The following RBMS3 variants were observed in gnomAD, a reference collection of about 807,000 sequenced individuals.
RBMS3 encodes the protein RNA-binding motif, single-stranded-interacting protein 3.
Under a neutral mutation model 66.8 loss-of-function variants are expected in RBMS3, and 27 were observed. The observed-to-expected ratio is 0.40, with a 90% CI of 0.30 to 0.56. RBMS3 has a LOEUF of 0.56. Among genes scored for constraint, RBMS3 ranks in the 20% least tolerant of loss-of-function variants. The pLI, the probability that RBMS3 is intolerant of heterozygous loss-of-function variation, is 0.40. For synonymous variants in RBMS3, 188 were observed against 183.0 expected, an observed-to-expected ratio of 1.03 and a Z score of -0.22; for missense variants, 513 against 549.5, an observed-to-expected ratio of 0.93 and a Z score of 0.66.
At chr3:29,985,613 C>A (rs1453176801) in intron 12 of RBMS3, among the ~76,000 whole-genome samples, 1 of 152,120 alleles carries the variant, frequency 6.6e-6, no homozygotes, top group Admixed American at 6.5e-5. Flanking sequence ...AGTTATCCAA[C>A]CCCTTGTGCT....
chr3:29,699,664 C>T (rs954114692), intron 4 of RBMS3, among the ~76,000 whole-genome samples: 2 of 152,070 alleles, frequency 1.3e-5, no homozygotes, highest in South Asian at 4.1e-4. Context: ...AAAAATAATT[C>T]TCTATAAACA....
At chr3:29,944,527 G>A (rs1695165866) in intron 12 of RBMS3, among the ~76,000 whole-genome samples, 1 of 151,720 alleles carries the variant, frequency 6.6e-6, no homozygotes, top group Admixed American at 6.6e-5. Context: ...GATAGAGTCT[G>A]TGTTCTGTGT....
intron 4 of RBMS3, among the ~76,000 whole-genome samples, chr3:29,624,086 A>G (rs1276410939): frequency 6.6e-6 from 1 of 152,202 alleles, no homozygotes; most frequent in Non-Finnish European, 1.5e-5. Flanking sequence ...CTAAAAACTC[A>G]TATTTGCGAA....
chr3:29,986,574 C>T (rs1352984575), intron 12 of RBMS3, among the ~76,000 whole-genome samples: 2 of 152,196 alleles, frequency 1.3e-5, no homozygotes, highest in Admixed American at 1.3e-4. Context: ...ACCTATATAG[C>T]AGAGGCAAAT....
intron 4 of RBMS3, among the ~76,000 whole-genome samples, chr3:29,629,285 C>A (rs2049191015): frequency 6.6e-6 from 1 of 152,116 alleles, no homozygotes; most frequent in African/African-American, 2.4e-5. Context: ...TCTCTGCTAT[C>A]TGCAGGCTAT....
chr3:29,606,319 A>G (rs1003323716), intron 4 of RBMS3, among the ~76,000 whole-genome samples: 3 of 151,958 alleles, frequency 2.0e-5, no homozygotes, highest in African/African-American at 7.2e-5. Context: ...TTTATGGATC[A>G]CTACTTGGCT....
intron 8 of RBMS3, among the ~76,000 whole-genome samples, chr3:29,894,119 T>C (rs1422908547): frequency 6.6e-6 from 1 of 151,594 alleles, no homozygotes; most frequent in Non-Finnish European, 1.5e-5. Context: ...AATTTATCTT[T>C]CCTCAGTTCT....
intron 10 of RBMS3, among the ~76,000 whole-genome samples, chr3:29,930,109 C>CTTTCTTTCTTTCTTTTTTTTTTTTTTTTT (rs71091082): frequency 9.2e-5 from 4 of 43,570 alleles, no homozygotes; most frequent in Non-Finnish European, 1.6e-4. Flanking sequence ...TTCTTTCTTT[C>CTTTCTTTCTTTCTTTTTTTTTTTTTTTTT]TTTTTTTTTT....
In RBMS3 at chr3:29,629,023, A is replaced by T. The variant is rs114054549; in HGVS notation, c.399+41818A>T. ...TCTGGGGTTTTCTTCCAAACCACCC[A>T]TTCTTGATGTTTTGAAGTGCATATG... On this transcript the variant is annotated intron_variant, in intron 4 of 14. Transcript: ENST00000383767. 2.4e-3 allele frequency among the ~76,000 whole-genome samples: 361 copies of T among 152,194 alleles called. 1 individual carries two copies. Among genetic ancestry groups the T allele is most frequent in the African/African-American group, 8.5e-3 (352 of 41,558 alleles).
At chr3:29,389,527 T>G (rs1026448823) in intron 1 of RBMS3, among the ~76,000 whole-genome samples, 1 of 152,218 alleles carries the variant, frequency 6.6e-6, no homozygotes, top group Non-Finnish European at 1.5e-5. Flanking sequence ...AAATACATTC[T>G]GACTCCATGA....
chr3:29,742,378 C>T (rs965030040), intron 5 of RBMS3, among the ~76,000 whole-genome samples: 2 of 152,248 alleles, frequency 1.3e-5, no homozygotes, highest in Non-Finnish European at 2.9e-5. Flanking sequence ...TACAATCCTT[C>T]AACATTTCAC....
chr3:29,995,792 G>T (rs546587618), intron 14 of RBMS3, among the ~76,000 whole-genome samples: 1 of 152,098 alleles, frequency 6.6e-6, no homozygotes, highest in Non-Finnish European at 1.5e-5. Flanking sequence ...AGGAACAACC[G>T]GTACCAGCCA....
intron 4 of RBMS3, among the ~76,000 whole-genome samples, chr3:29,727,673 G>T (rs942606051): frequency 6.6e-6 from 1 of 152,300 alleles, no homozygotes; most frequent in East Asian, 1.9e-4. Flanking sequence ...TCTCATGCCA[G>T]TTAGAATGGC....
chr3:29,853,958 T>A (rs9825884), intron 6 of RBMS3, among the ~76,000 whole-genome samples: 150,758 of 152,314 alleles, frequency 0.99, 74,612 homozygotes, highest in East Asian at 1. Flanking sequence ...GCCTAGAGAC[T>A]GGCAGAAGGG....
chr3:29,829,027 TTTCTTTCTTTCTTTCTTTC>T (rs1330497091), intron 6 of RBMS3, among the ~76,000 whole-genome samples: 2 of 49,886 alleles, frequency 4.0e-5, no homozygotes, highest in Admixed American at 1.7e-4. Context: ...TCTTTCTTTC[TTTCTTTCTTTCTTTCTTTC>T]TTTTGTTTTG....
intron 1 of RBMS3, among the ~76,000 whole-genome samples, chr3:29,411,329 T>C (rs1313916262): frequency 3.9e-5 from 6 of 152,210 alleles, no homozygotes; most frequent in Admixed American, 6.5e-5. Flanking sequence ...TAACTTGTAA[T>C]CTGGAACCAG....
chr3:29,577,376 G>A (rs1389445448), intron 3 of RBMS3, among the ~76,000 whole-genome samples: 7 of 152,176 alleles, frequency 4.6e-5, no homozygotes, highest in Admixed American at 3.9e-4. Context: ...GCTGGGGGAG[G>A]GATGGCACAA....
chr3:29,378,471 C>CA (rs2038597620), intron 1 of RBMS3, among the ~76,000 whole-genome samples: 3 of 113,734 alleles, frequency 2.6e-5, no homozygotes. Flanking sequence ...GACTCCGTCT[C>CA]AAAAAAATAA....
In RBMS3 at chr3:29,847,651, T is replaced by A. The variant is rs7643697; in HGVS notation, c.638-21207T>A. 1.3e-4 allele frequency among the ~76,000 whole-genome samples: 20 copies of A among 149,700 alleles called. No individual in the cohort carries two copies. In the South Asian group the frequency reaches 1.5e-3, roughly 11 times the overall value. On this transcript the variant is annotated intron_variant, in intron 6 of 14. Transcript: ENST00000383767. The stretch of plus-strand genomic sequence containing the variant: ...CACTCCAATTTTGTGTTTTATTTTT[T>A]TTTTTTTATTTTTTATTTTTTTGAG...
Sources: allele counts gnomAD v4.1 joint callset (sites outside exome capture counted in the v4.1 genomes callset), GRCh38; gene constraint gnomAD v4.1.1; transcripts MANE v1.5; gene names NCBI Gene and HGNC (gene_info 2026-07-23, HGNC 2026-07-21).